TACR1: variants seen among roughly 807,000 people sequenced by gnomAD.
The protein encoded by TACR1 is tachykinin receptor 1, also known as substance-P receptor.
Under a neutral mutation model 35.8 loss-of-function variants are expected in TACR1, and 25 were observed. The ratio of observed to expected loss-of-function variants is 0.70; its 90% confidence interval spans 0.51 to 0.98. The LOEUF (loss-of-function observed/expected upper bound fraction) is 0.98, where lower values mean the gene tolerates loss of function less well. Among genes scored for constraint, TACR1 ranks in the 50% least tolerant of loss-of-function variants. The probability of loss-of-function intolerance (pLI) is 0.00; values close to 1 mark genes in which losing one functional copy is unlikely to be tolerated. For synonymous variants in TACR1, 195 were observed against 206.7 expected (o/e 0.94, Z 0.48); for missense variants, 478 against 522.9 (o/e 0.91, Z 0.84).
At chr2:75,147,184 A>G (rs1674532006) in intron 1 of TACR1, among the ~76,000 whole-genome samples, 1 of 152,214 alleles carries the variant, frequency 6.6e-6, no homozygotes, top group Non-Finnish European at 1.5e-5. Context: ...CCTTCCCAGA[A>G]TTTAGCTGGA....
chr2:75,115,128 T>A (rs1288550225), intron 2 of TACR1, among the ~76,000 whole-genome samples: 1 of 151,582 alleles, frequency 6.6e-6, no homozygotes, highest in Non-Finnish European at 1.5e-5. Context: ...TGTCTTCACA[T>A]CATGTCATAG....
chr2:75,153,136 T>C (rs879753177), intron 1 of TACR1, among the ~76,000 whole-genome samples: 9 of 152,156 alleles, frequency 5.9e-5, no homozygotes, highest in Non-Finnish European at 1.3e-4. Context: ...CTCCTGACTT[T>C]GTGATCTGCC....
intron 1 of TACR1, among the ~76,000 whole-genome samples, chr2:75,183,018 G>A (rs972189475): frequency 2.6e-5 from 4 of 152,196 alleles, no homozygotes; most frequent in African/African-American, 9.6e-5. Flanking sequence ...CAGAAATCAT[G>A]TTTGATTCTT....
chr2:75,159,566 C>A (rs1039271434), intron 1 of TACR1, among the ~76,000 whole-genome samples: 3 of 152,124 alleles, frequency 2.0e-5, no homozygotes, highest in Admixed American at 6.5e-5. Context: ...GGGTTACCAT[C>A]TTTTTTTAGT....
At chr2:75,181,196 A>G (rs780876013) in intron 1 of TACR1, among the ~76,000 whole-genome samples, 28 of 152,158 alleles carry the variant, frequency 1.8e-4, no homozygotes, top group African/African-American at 6.5e-4. Context: ...ATCATTACCA[A>G]TTGTTTCTTC....
intron 1 of TACR1, among the ~76,000 whole-genome samples, chr2:75,196,237 C>T (rs1051401304): frequency 6.6e-6 from 1 of 152,180 alleles, no homozygotes; most frequent in East Asian, 1.9e-4. Context: ...CTTAAAGCCC[C>T]CTTTCTTTCC....
chr2:75,184,626 G>A (rs543907972), intron 1 of TACR1, among the ~76,000 whole-genome samples: 1 of 151,280 alleles, frequency 6.6e-6, no homozygotes, highest in Non-Finnish European at 1.5e-5. Flanking sequence ...TAGCCTTCTA[G>A]TACACCAATA....
intron 1 of TACR1, among the ~76,000 whole-genome samples, chr2:75,134,577 C>A (rs1247707286): frequency 6.6e-6 from 1 of 152,094 alleles, no homozygotes; most frequent in African/African-American, 2.4e-5. Flanking sequence ...TGAATTTGAC[C>A]TGAAAGGTTG....
At chr2:75,114,719 A>G (rs1673816134) in intron 2 of TACR1, among the ~76,000 whole-genome samples, 1 of 152,204 alleles carries the variant, frequency 6.6e-6, no homozygotes, top group African/African-American at 2.4e-5. Context: ...TAAAATCTTT[A>G]TCACCTGTCA....
At chr2:75,182,971 A>G (rs1675593785) in intron 1 of TACR1, among the ~76,000 whole-genome samples, 1 of 152,216 alleles carries the variant, frequency 6.6e-6, no homozygotes, top group South Asian at 2.1e-4. Context: ...TCTTATTAAT[A>G]CTTATTTCTC....
At chr2:75,192,274 T>C (rs914573889) in intron 1 of TACR1, among the ~76,000 whole-genome samples, 2 of 152,178 alleles carry the variant, frequency 1.3e-5, no homozygotes, top group African/African-American at 4.8e-5. Flanking sequence ...GAGCTGGGGA[T>C]GCTTCAAGAT....
At chr2:75,058,694 T>C (rs1672617057) in intron 2 of TACR1, among the ~76,000 whole-genome samples, 1 of 152,232 alleles carries the variant, frequency 6.6e-6, no homozygotes, top group South Asian at 2.1e-4. Context: ...CCTTTGTTCA[T>C]CCCTGTAAGC....
chr2:75,107,035 A>G (rs947704714), intron 2 of TACR1, among the ~76,000 whole-genome samples: 5 of 151,880 alleles, frequency 3.3e-5, no homozygotes, highest in East Asian at 1.9e-4. Flanking sequence ...ATGATAGAGG[A>G]AAACTAAATA....
At chr2:75,165,348 C>T (rs1286498076) in intron 1 of TACR1, among the ~76,000 whole-genome samples, 1 of 152,138 alleles carries the variant, frequency 6.6e-6, no homozygotes, top group Admixed American at 6.5e-5. Context: ...CTCGCTCTGT[C>T]ACCCAGGCTG....
intron 2 of TACR1, among the ~76,000 whole-genome samples, chr2:75,071,348 C>A (rs1672874468): frequency 6.6e-6 from 1 of 152,216 alleles, no homozygotes; most frequent in Non-Finnish European, 1.5e-5. Context: ...ATTGGGATGC[C>A]CTCCCTTCTC....
At chr2:75,093,921 T>C (rs952874905) in intron 2 of TACR1, among the ~76,000 whole-genome samples, 2 of 152,040 alleles carry the variant, frequency 1.3e-5, no homozygotes, top group Non-Finnish European at 2.9e-5. Flanking sequence ...TCTTTCTACA[T>C]GTGAGGAAAC....
chr2:75,082,225 C>G (rs998635862), intron 2 of TACR1, among the ~76,000 whole-genome samples: 1 of 152,160 alleles, frequency 6.6e-6, no homozygotes, highest in Non-Finnish European at 1.5e-5. Flanking sequence ...CCAGCTTCCT[C>G]CATGTCCCTA....
chr2:75,165,796 A>G (rs76951753), intron 1 of TACR1, among the ~76,000 whole-genome samples: 2,194 of 152,264 alleles, frequency 0.014, 50 homozygotes, highest in East Asian at 0.078. Flanking sequence ...GATATGACAA[A>G]TGCCCAACAG....
chr2:75,169,394 C>G (rs552294579), intron 1 of TACR1, among the ~76,000 whole-genome samples: 1 of 152,282 alleles, frequency 6.6e-6, no homozygotes, highest in Admixed American at 6.5e-5. Flanking sequence ...CTGAGAATAT[C>G]TTTCATGCAG....
Sources: allele counts gnomAD v4.1 joint callset (sites outside exome capture counted in the v4.1 genomes callset), GRCh38; gene constraint gnomAD v4.1.1; transcripts MANE v1.5; gene names NCBI Gene and HGNC (gene_info 2026-07-23, HGNC 2026-07-21).